STK32A: variants seen among roughly 807,000 people sequenced by gnomAD.
STK32A encodes serine/threonine-protein kinase 32A.
STK32A carries 41 observed loss-of-function variants against 53.2 expected under a neutral mutation model. The observed-to-expected ratio is 0.77, with a 90% CI of 0.60 to 1.00. The LOEUF is 1.00. Among genes scored for constraint, STK32A ranks in the 50% least tolerant of loss-of-function variants. STK32A has a pLI of 0.00. For missense variants in STK32A, 458 were observed against 485.8 expected (o/e 0.94, Z 0.54); for synonymous variants, 166 against 162.8 (o/e 1.02, Z -0.15).
downstream of STK32A, chr5:147,390,761 A>G (rs963073639): frequency 2.6e-5 from 4 of 152,564 alleles, no homozygotes; most frequent in African/African-American, 7.2e-5. Context: ...TTTTAATATT[A>G]TAGGTGAAAA....
intron 7 of STK32A, among the ~76,000 whole-genome samples, chr5:147,361,058 T>G (rs575587027): frequency 6.6e-6 from 1 of 152,346 alleles, no homozygotes; most frequent in South Asian, 2.1e-4. Context: ...CTTCCCTTGC[T>G]GCTTCCAGGT....
chr5:147,290,993 T>A (rs74901209), intron 4 of STK32A, among the ~76,000 whole-genome samples: 41,981 of 151,924 alleles, frequency 0.28, 6,034 homozygotes, highest in South Asian at 0.5. Flanking sequence ...ATTCTTTATA[T>A]CACAAATTAC....
intron 11 of STK32A, among the ~76,000 whole-genome samples, chr5:147,380,499 A>G (rs1455305002): frequency 6.6e-6 from 1 of 150,984 alleles, no homozygotes; most frequent in East Asian, 1.9e-4. Context: ...TGACTGAATG[A>G]TTTTTTTTAA....
intron 5 of STK32A, among the ~76,000 whole-genome samples, chr5:147,332,361 T>A (rs76284023): frequency 1.5e-3 from 233 of 151,444 alleles, no homozygotes; most frequent in Non-Finnish European, 2.6e-3. Context: ...TTTTTTTTTT[T>A]ATACCACTTC....
intron 1 of STK32A, among the ~76,000 whole-genome samples, chr5:147,237,565 A>C (rs1252309137): frequency 1.3e-5 from 2 of 152,140 alleles, no homozygotes; most frequent in African/African-American, 4.8e-5. Context: ...GTTGAGTTCT[A>C]TCTTCCTGGG....
chr5:147,367,923 T>C (rs909026665), intron 8 of STK32A, among the ~76,000 whole-genome samples: 9 of 152,224 alleles, frequency 5.9e-5, no homozygotes, highest in African/African-American at 1.7e-4. Context: ...GGAAGTAACA[T>C]TTAATTACAA....
intron 4 of STK32A, among the ~76,000 whole-genome samples, chr5:147,310,778 G>A (rs1753655088): frequency 7.0e-6 from 1 of 142,616 alleles, no homozygotes; most frequent in South Asian, 2.2e-4. Flanking sequence ...TATATGGAGA[G>A]CAAAATGTTG....
At chr5:147,357,114 AAT>A (rs1436801506) in intron 7 of STK32A, among the ~76,000 whole-genome samples, 1 of 152,156 alleles carries the variant, frequency 6.6e-6, no homozygotes. Context: ...TGTCATATAC[AAT>A]ATATGCAATT....
chr5:147,372,080 A>G lies in STK32A; in HGVS notation c.778-1089A>G, dbSNP rs572986133. 3.9e-5 allele frequency among the ~76,000 whole-genome samples: 6 copies of G among 152,248 alleles called. No homozygotes were observed. The East Asian group carries it at 1.2e-3, about 29-fold the overall frequency. On this transcript the variant is annotated intron_variant, in intron 9 of 12. Transcript: ENST00000397936. The stretch of plus-strand genomic sequence containing the variant: ...CATGTGTTACCATTGTATTCTCAGC[A>G]TCTAACACAAAGCCTGAGAAGTGAA...
chr5:147,247,199 G>A (rs925858976), intron 2 of STK32A, among the ~76,000 whole-genome samples: 3 of 152,226 alleles, frequency 2.0e-5, no homozygotes, highest in African/African-American at 7.2e-5. Flanking sequence ...GACTTCTGCT[G>A]TATGGCCTTG....
At chr5:147,313,905 A>G (rs899729353) in intron 4 of STK32A, among the ~76,000 whole-genome samples, 1 of 152,212 alleles carries the variant, frequency 6.6e-6, no homozygotes. Context: ...ACCTCACACC[A>G]TGTACAAAAT....
At chr5:147,371,958 T>C (rs184258009) in intron 9 of STK32A, among the ~76,000 whole-genome samples, 305 of 152,326 alleles carry the variant, frequency 2.0e-3, no homozygotes, top group Non-Finnish European at 3.2e-3. Context: ...CTTTCCTTCA[T>C]AGCATTTTTC....
the STK32A span, among the ~76,000 whole-genome samples, chr5:147,396,985 T>C: frequency 6.8e-6 from 1 of 147,910 alleles, no homozygotes; most frequent in African/African-American, 2.5e-5. Flanking sequence ...TTTATTGTAT[T>C]GTTATAATAC....
At chr5:147,238,828 ATGT>A (rs1753440682) in intron 1 of STK32A, among the ~76,000 whole-genome samples, 2 of 151,922 alleles carry the variant, frequency 1.3e-5, no homozygotes, top group South Asian at 4.2e-4. Context: ...ATATATATAA[ATGT>A]TGTATATAAA....
chr5:147,347,224 G>C (rs1181782576), intron 6 of STK32A, among the ~76,000 whole-genome samples: 4 of 151,870 alleles, frequency 2.6e-5, no homozygotes, highest in Non-Finnish European at 4.4e-5. Flanking sequence ...GGAGCAGCAA[G>C]AAAGAGTGTA....
At chr5:147,278,319 T>C in intron 3 of STK32A, 140 bp downstream of exon 3, 1 of 737,518 alleles carries the variant, frequency 1.4e-6, no homozygotes, top group East Asian at 2.7e-5. Flanking sequence ...AATGGATTTT[T>C]ATAAAATTGT....
chr5:147,373,016 T>C (rs1757067363), intron 9 of STK32A, among the ~76,000 whole-genome samples, 153 bp from the exon 10 acceptor site: 1 of 152,162 alleles, frequency 6.6e-6, no homozygotes, highest in South Asian at 2.1e-4. Flanking sequence ...ATTCTAATAA[T>C]GTATGATCTA....
chr5:147,355,800 A>C (rs1435116910), intron 7 of STK32A, among the ~76,000 whole-genome samples: 1 of 151,306 alleles, frequency 6.6e-6, no homozygotes, highest in Non-Finnish European at 1.5e-5. Context: ...GTGTATATAT[A>C]TATATATATA....
chr5:147,248,121 CA>C lies in STK32A; in HGVS notation c.52+8455del, dbSNP rs34098316. Among the ~76,000 whole-genome samples the C allele has an allele frequency of 4.0e-3, 320 of 80,130 alleles. 1 individual carries two copies. Among genetic ancestry groups the C allele is most frequent in the Middle Eastern group, 7.1e-3 (1 of 140 alleles). 52.6% of individuals were successfully genotyped at this position (80,130 alleles called of 152,430 possible). ...GGGCAACAAGAGCAAAACTCCGTCT[CA>C]AAAAAAAAAAAAAAAAAAAGTGTAA... On this transcript the variant is annotated intron_variant, in intron 2 of 12. Coordinates refer to ENST00000397936, the MANE Select transcript of STK32A (RefSeq NM_001112724.2).
Sources: gnomAD v4.1 joint callset for allele counts (sites outside exome capture counted in the v4.1 genomes callset) on GRCh38, gnomAD v4.1.1 for gene constraint, MANE v1.5 for transcripts, NCBI Gene and HGNC (gene_info 2026-07-23, HGNC 2026-07-21) for gene names.